NFASC: variants seen among roughly 807,000 people sequenced by gnomAD.
NFASC encodes neurofascin.
NFASC carries 43 observed loss-of-function variants against 147.5 expected under a neutral mutation model. The ratio of observed to expected loss-of-function variants is 0.29; its 90% CI spans 0.23 to 0.38. The LOEUF is 0.38. NFASC is among the 10% of genes least tolerant of loss of function. NFASC has a pLI of 1.00. For synonymous variants in NFASC, 622 were observed against 665.5 expected (o/e 0.93, Z 1.01); for missense variants, 1,320 against 1,689.0 (o/e 0.78, Z 3.83).
rs73069108 is a variant in NFASC at position 204,967,220 on chromosome 1, C to T, written c.707-1029C>T. On this transcript the variant is annotated intron_variant, in intron 8 of 29. Transcript: ENST00000339876. ...TTAGCCATTCCTATGTACGATCGTA[C>T]ACCTTGGCCAGGGGGTACTTCCTCC... Among the ~76,000 whole-genome samples the T allele has an allele frequency of 9.7e-3, 1,475 of 152,274 alleles. 12 individuals are homozygous for T. The highest frequency in any genetic ancestry group is 0.034 in the African/African-American group (1,413 of 41,552).
chr1:204,975,575 C>T lies in NFASC; in HGVS notation c.1706+157C>T, dbSNP rs2095382032. 6.6e-6 allele frequency among the ~76,000 whole-genome samples: 1 copy of T among 152,054 alleles called. No homozygotes were observed. Among genetic ancestry groups the T allele is most frequent in the Admixed American group, 6.5e-5 (1 of 15,276 alleles). Reference sequence around the variant, plus strand: ...GAGGGGGTGATGGCCTGGGCAACTCCCCTGCTTCAGGGGAGACCCCCCCAC... The same window carrying T: ...GAGGGGGTGATGGCCTGGGCAACTCTCCTGCTTCAGGGGAGACCCCCCCAC... On this transcript the variant is annotated intron_variant, in intron 15 of 29. Transcript: ENST00000339876. This position sits in a 1 kb window ranked among gnomAD's most constrained non-coding sequence, Gnocchi z 4.0.
chr1:204,882,031 C>T (rs1451273383), intron 1 of NFASC, among the ~76,000 whole-genome samples: 2 of 152,128 alleles, frequency 1.3e-5, no homozygotes, highest in Non-Finnish European at 2.9e-5. Context: ...CACCAACCCC[C>T]ACCCTGCTTC....
In NFASC at chr1:204,875,073, TTTGTTGTTGTTGTTG is replaced by T. The variant is rs3046329; in HGVS notation, c.-199-45535_-199-45521del. ...AGTCAAGATTTGAGTGTGGGTCTGC[TTTGTTGTTGTTGTTG>T]TTGTTGTTGTTGTTGTTGTTGTTTG... is the stretch of plus-strand genomic sequence containing the variant. On this transcript the variant is annotated intron_variant, in intron 1 of 29. Coordinates refer to ENST00000339876, the MANE Select transcript of NFASC (RefSeq NM_001005388.3). Among the ~76,000 whole-genome samples, 763 of 150,850 alleles carry T rather than the reference TTTGTTGTTGTTGTTG, an allele frequency of 5.1e-3. 4 individuals carry two copies. The highest frequency in any genetic ancestry group is 0.024 in the Middle Eastern group (7 of 292).
chr1:204,957,538 A>T, intron 7 of NFASC, 118 bp from the exon 8 acceptor site: 1 of 826,998 alleles, frequency 1.2e-6, no homozygotes, highest in Non-Finnish European at 2.0e-6. Context: ...TAGACCAAGT[A>T]ATGTCAAGCT....
In NFASC at chr1:204,892,672, C is replaced by T. The variant is rs188880795; in HGVS notation, c.-199-27960C>T. ...TGTAAACTATCTCGTTAATAGTTCT[C>T]GATAGTTCTTATGTATTGATTAGAA... On this transcript the variant is annotated intron_variant, in intron 1 of 29. Coordinates refer to ENST00000339876, the MANE Select transcript of NFASC (RefSeq NM_001005388.3). Among the ~76,000 whole-genome samples the T allele has an allele frequency of 7.9e-4, 121 of 152,256 alleles. 1 individual carries two copies. Among genetic ancestry groups the T allele is most frequent in the South Asian group, 5.0e-3 (24 of 4,822 alleles).
chr1:204,941,183 C>T (rs2093340564), intron 2 of NFASC, among the ~76,000 whole-genome samples: 1 of 152,222 alleles, frequency 6.6e-6, no homozygotes, highest in Non-Finnish European at 1.5e-5. Flanking sequence ...CTTCCCTTCT[C>T]TCGGCTTTTG....
At chr1:204,856,097 A>G (rs1572083447) in intron 1 of NFASC, among the ~76,000 whole-genome samples, 1 of 152,020 alleles carries the variant, frequency 6.6e-6, no homozygotes, top group East Asian at 2.0e-4. Flanking sequence ...TTGACTCATA[A>G]TTGCTGTTCC....
At chr1:205,000,112 G>A (rs1188015638) in intron 25 of NFASC, 1 of 152,184 alleles carries the variant, frequency 6.6e-6, no homozygotes, top group East Asian at 1.9e-4. Context: ...GATAATTAAT[G>A]TCCTCTGTGT....
chr1:205,017,877 T>G lies in NFASC; in HGVS notation c.*1338T>G, dbSNP rs1024591735. Reference sequence around the variant, plus strand: ...GACTCAATGCTCTTTGTATGCCTTATGCAGCGCTGATCTGTCCCTGGAGTT... The same window carrying G: ...GACTCAATGCTCTTTGTATGCCTTAGGCAGCGCTGATCTGTCCCTGGAGTT... On this transcript the variant is annotated 3_prime_UTR_variant, in exon 30 of 30. Transcript: ENST00000339876. 1.3e-5 allele frequency: 2 copies of G among 152,938 alleles called. No individual in the cohort carries two copies. The highest frequency in any genetic ancestry group is 3.9e-4 in the East Asian group (2 of 5,186). 9.5% of individuals were successfully genotyped at this position (152,938 alleles called of 1,614,324 possible).
chr1:204,847,115 C>G (rs2075244498), intron 1 of NFASC, among the ~76,000 whole-genome samples: 1 of 152,080 alleles, frequency 6.6e-6, no homozygotes, highest in Non-Finnish European at 1.5e-5. Flanking sequence ...TTTGCCTTAA[C>G]CACCAGTGGG....
At position 204,987,346 on chromosome 1, in the gene NFASC, T is replaced by C. The variant is rs1049741680; in HGVS notation, c.2471-72T>C. ...GGTCAATGCCTTCATACTTGTGCTT[T>C]GTTTTTTGTGTTTTCCTCATCCTCC... On this transcript the variant is annotated intron_variant, in intron 21 of 29. Transcript: ENST00000339876. This position sits in a 1 kb window ranked among gnomAD's most constrained non-coding sequence, Gnocchi z 4.4. 1 of 1,446,160 alleles carries C rather than the reference T, an allele frequency of 6.9e-7. No individual in the cohort carries two copies. The highest frequency in any genetic ancestry group is 9.5e-7 in the Non-Finnish European group (1 of 1,047,550). 89.6% of individuals were successfully genotyped at this position (1,446,160 alleles called of 1,614,324 possible).
chr1:204,970,546 A>T (rs1019379099), intron 10 of NFASC, 70 bp from the exon 11 acceptor site: 154 of 1,581,986 alleles, frequency 9.7e-5, no homozygotes, highest in Non-Finnish European at 1.3e-4. Flanking sequence ...TACTAGAGGG[A>T]GACTGCTTGG....
rs565569447 is a variant in NFASC, at chr1:204,938,853, G to A, written c.-90-5373G>A. On this transcript the variant is annotated intron_variant, in intron 2 of 29. Coordinates refer to ENST00000339876, the MANE Select transcript of NFASC (RefSeq NM_001005388.3). The stretch of plus-strand genomic sequence containing the variant: ...CCCCTGCCTAGAAGATTGAGGGCCC[G>A]GGAATCTGTATGTTTGAAGAGTGTC... Among the ~76,000 whole-genome samples, 16 of 152,266 alleles carry A rather than the reference G, an allele frequency of 1.1e-4. No individual in the cohort carries two copies. In the East Asian group the frequency reaches 2.7e-3, roughly 26 times the overall value.
chr1:204,990,934 A>T (rs1190398576), intron 23 of NFASC, among the ~76,000 whole-genome samples: 1 of 152,258 alleles, frequency 6.6e-6, no homozygotes, highest in Non-Finnish European at 1.5e-5. Context: ...AGAGCAGGAC[A>T]TGCTGTTGAG....
At chr1:204,862,230 G>GA (rs953166547) in intron 1 of NFASC, among the ~76,000 whole-genome samples, 9 of 151,974 alleles carry the variant, frequency 5.9e-5, no homozygotes, top group South Asian at 2.1e-4. Flanking sequence ...TTCAACTTAA[G>GA]AAAAAAAATT....
In NFASC at chr1:204,987,343, C is replaced by CT; in HGVS notation, c.2471-72dup. 1.3e-5 allele frequency: 18 copies of CT among 1,422,484 alleles called. No individual in the cohort carries two copies. The highest frequency in any genetic ancestry group is 1.8e-5 in the Non-Finnish European group (18 of 1,026,994). 88.1% of individuals were successfully genotyped at this position (1,422,484 alleles called of 1,614,324 possible). A position where few individuals can be genotyped will look rare whatever the true frequency, so the allele number is the denominator to read the frequency against. On this transcript the variant is annotated intron_variant, in intron 21 of 29. Transcript: ENST00000339876. This position sits in a 1 kb window ranked among gnomAD's most constrained non-coding sequence, Gnocchi z 4.4. The stretch of plus-strand genomic sequence containing the variant: ...AGAGGTCAATGCCTTCATACTTGTG[C>CT]TTTGTTTTTTGTGTTTTCCTCATCC...
Position 204,987,633 on chromosome 1 carries a change from T to A in NFASC, c.2593+93T>A. ...CTAAGGACTCAAGGTAGAAAGCCTG[T>A]GGGTGCAGATGGCATTGTGGAGGGA... is the stretch of plus-strand genomic sequence containing the variant. On this transcript the variant is annotated intron_variant, in intron 22 of 29. Coordinates refer to ENST00000339876, the MANE Select transcript of NFASC (RefSeq NM_001005388.3). The surrounding 1 kb of genome is among the most constrained non-coding windows in gnomAD (Gnocchi z 4.4). 1 of 1,443,964 alleles carries A rather than the reference T, an allele frequency of 6.9e-7. No homozygotes were observed. The highest frequency in any genetic ancestry group is 9.6e-7 in the Non-Finnish European group (1 of 1,041,154). 89.4% of individuals were successfully genotyped at this position (1,443,964 alleles called of 1,614,324 possible). A position where few individuals can be genotyped will look rare whatever the true frequency, so the allele number is the denominator to read the frequency against.
At chr1:205,008,580 T>G (rs1487191042) in intron 27 of NFASC, 1 of 143,914 alleles carries the variant, frequency 6.9e-6, no homozygotes, top group Non-Finnish European at 1.6e-5. Context: ...GAAGGGTGAG[T>G]TGGTACTGAC....
intron 4 of NFASC, among the ~76,000 whole-genome samples, chr1:204,951,600 C>G (rs962003595): frequency 2.0e-5 from 3 of 151,826 alleles, no homozygotes; most frequent in African/African-American, 4.8e-5. Flanking sequence ...TCCCGAGTAG[C>G]TGGGACTACA....
Sources: gnomAD v4.1 joint callset for allele counts (sites outside exome capture counted in the v4.1 genomes callset) on GRCh38, gnomAD v4.1.1 for gene constraint, Gnocchi (gnomAD v3.1) non-coding constraint, MANE v1.5 for transcripts, NCBI Gene and HGNC (gene_info 2026-07-23, HGNC 2026-07-21) for gene names.